TRPM2: variants seen among roughly 807,000 people sequenced by gnomAD.
TRPM2 encodes the protein transient receptor potential cation channel subfamily M member 2.
A neutral mutation model predicts 174.0 loss-of-function variants in TRPM2; 161 were observed. The ratio of observed to expected loss-of-function variants is 0.93; its 90% CI spans 0.81 to 1.05. The LOEUF is 1.05. Ranked by LOEUF, TRPM2 falls within the 50% of genes least tolerant of loss-of-function variation. The probability of loss-of-function intolerance (pLI) is 0.00; values close to 1 mark genes in which losing one functional copy is unlikely to be tolerated. For synonymous variants in TRPM2, 954 were observed against 861.3 expected, an observed-to-expected ratio of 1.11 and a Z score of -1.88; for missense variants, 2,057 against 2,038.0, an observed-to-expected ratio of 1.01 and a Z score of -0.18.
chr21:44,391,762 C>G lies in TRPM2; in HGVS notation c.1794+137C>G. ...GCTCTATCTTAGGCTGCTTGGGCTG[C>G]TGTAACAAAATTCCACAGATGGGGC... On this transcript the variant is annotated intron_variant, in intron 11 of 31. Transcript: ENST00000397928. The surrounding 1 kb of genome is among the most constrained non-coding windows in gnomAD (Gnocchi z 5.0). 1.2e-6 allele frequency: 1 copy of G among 866,698 alleles called. No homozygotes were observed. Among genetic ancestry groups the G allele is most frequent in the Non-Finnish European group, 1.7e-6 (1 of 591,576 alleles). The allele number at this position is 866,698 out of a possible 1,614,324, so 53.7% of individuals were successfully genotyped here.
chr21:44,367,053 C>G lies in TRPM2; in HGVS notation c.604+119C>G. ...GTCCCTGGGAGCCGCCGAGGCTGTG[C>G]CCCAGCCTGAGTCGGACCCATGCAC... On this transcript the variant is annotated intron_variant, in intron 4 of 31. Coordinates refer to ENST00000397928, the MANE Select transcript of TRPM2 (RefSeq NM_003307.4). The surrounding 1 kb of genome is among the most constrained non-coding windows in gnomAD (Gnocchi z 4.6). The G allele has an allele frequency of 8.0e-7, 1 of 1,245,242 alleles. No individual in the cohort carries two copies. The highest frequency in any genetic ancestry group is 1.1e-6 in the Non-Finnish European group (1 of 922,670). 77.1% of individuals were successfully genotyped at this position (1,245,242 alleles called of 1,614,324 possible). A position where few individuals can be genotyped will look rare whatever the true frequency, so the allele number is the denominator to read the frequency against.
intron 19 of TRPM2, among the ~76,000 whole-genome samples, chr21:44,408,688 C>T (rs186834591): frequency 3.3e-4 from 48 of 143,334 alleles, no homozygotes; most frequent in African/African-American, 1.1e-3. Flanking sequence ...GACAGGGTCT[C>T]GCTCTGTCAC....
chr21:44,425,613 G>A (rs897779246), intron 24 of TRPM2, 57 bp from the exon 25 acceptor site: 10 of 1,431,010 alleles, frequency 7.0e-6, no homozygotes, highest in Middle Eastern at 2.6e-4. Flanking sequence ...CTTGTCCTGC[G>A]GGCGGGCACC....
chr21:44,373,598 T>C (rs896516423), intron 5 of TRPM2, among the ~76,000 whole-genome samples: 23 of 151,672 alleles, frequency 1.5e-4, no homozygotes, highest in African/African-American at 5.6e-4. Flanking sequence ...CTGCATTATA[T>C]GCGACCTGCA....
chr21:44,371,016 A>T (rs1351962287), intron 5 of TRPM2, among the ~76,000 whole-genome samples: 1 of 152,208 alleles, frequency 6.6e-6, no homozygotes, highest in East Asian at 1.9e-4. Context: ...GCTGTAACCC[A>T]GGCTCACAAA....
chr21:44,406,730 T>G lies in TRPM2; in HGVS notation c.2927T>G (p.Leu976Arg), dbSNP rs1228239538. ...CGAGGGGCCGTCTACCACTCCTACC[T>G]CACCATCTTCGGGCAGATCCCGGGC... ...LFRGAVYHSY[L>R]TIFGQIPGYI... Residue 976 changes from leucine (L) to arginine (R), a missense_variant, in exon 19 of 32, where the codon CTC becomes CGC. Coordinates refer to ENST00000397928, the MANE Select transcript of TRPM2 (RefSeq NM_003307.4). 6.2e-7 allele frequency: 1 copy of G among 1,607,588 alleles called. No individual in the cohort carries two copies. The highest frequency in any genetic ancestry group is 1.7e-5 in the Admixed American group (1 of 59,098).
In TRPM2 at chr21:44,405,275, C is replaced by T. The variant is rs1475677409; in HGVS notation, c.2657+15C>T. 1.9e-6 allele frequency: 3 copies of T among 1,611,050 alleles called. No individual in the cohort carries two copies. The highest frequency in any genetic ancestry group is 1.1e-5 in the South Asian group (1 of 91,044). On this transcript the variant is annotated intron_variant, in intron 17 of 31. Coordinates refer to ENST00000397928, the MANE Select transcript of TRPM2 (RefSeq NM_003307.4). The stretch of plus-strand genomic sequence containing the variant: ...CTGACCTGCAGGTGAGTGGCCTCAC[C>T]CCGATGGCGGGCCCGTCTGAGGCAG...
intron 16 of TRPM2, among the ~76,000 whole-genome samples, chr21:44,404,438 A>G (rs2049789848): frequency 6.6e-6 from 1 of 152,218 alleles, no homozygotes; most frequent in Non-Finnish European, 1.5e-5. Flanking sequence ...CATGCAGAAT[A>G]TATGTACATA....
chr21:44,426,923 C>T, intron 26 of TRPM2, 87 bp from the exon 27 acceptor site: 1 of 1,430,776 alleles, frequency 7.0e-7, no homozygotes, highest in Non-Finnish European at 9.5e-7. Context: ...TCGGCTGGGC[C>T]CTTGGTGGGG....
At chr21:44,429,665 A>T (rs2050958192) in intron 27 of TRPM2, among the ~76,000 whole-genome samples, 1 of 152,172 alleles carries the variant, frequency 6.6e-6, no homozygotes, top group South Asian at 2.1e-4. Flanking sequence ...CTTTGTATCT[A>T]ACAACTTTAT....
chr21:44,406,208 T>C (rs1432978923), intron 18 of TRPM2, among the ~76,000 whole-genome samples, 171 bp downstream of exon 18: 1 of 152,140 alleles, frequency 6.6e-6, no homozygotes, highest in Non-Finnish European at 1.5e-5. Flanking sequence ...TCTTTGCCTG[T>C]ACGTCACCTC....
chr21:44,378,056 G>A (rs1332810903), intron 7 of TRPM2, among the ~76,000 whole-genome samples: 1 of 152,214 alleles, frequency 6.6e-6, no homozygotes, highest in Non-Finnish European at 1.5e-5. Context: ...TGGAGTGAGT[G>A]GGGCGCCTCT....
chr21:44,399,354 C>G lies in TRPM2; in HGVS notation c.2121C>G (p.Arg707=). The G allele has an allele frequency of 6.2e-7, 1 of 1,612,868 alleles. No individual in the cohort carries two copies. Among genetic ancestry groups the G allele is most frequent in the Non-Finnish European group, 8.5e-7 (1 of 1,179,930 alleles). Residue 707 remains arginine, a synonymous_variant, in exon 14 of 32, where the codon CGC becomes CGG. Transcript: ENST00000397928. This position sits in a 1 kb window ranked among gnomAD's most constrained non-coding sequence, Gnocchi z 4.6. ...AGAGAGCCCAGAAACTGCTCACCCG[C>G]GTGTCCGAGGCCTGGGGGAAGACCA... is the stretch of plus-strand genomic sequence containing the variant. ...DEERAQKLLT[R]VSEAWGKTTC... is the part of the protein sequence containing the mutation.
In TRPM2 at chr21:44,376,066, CAG is replaced by C. The variant is rs1422918148; in HGVS notation, c.952+56_952+57del. The C allele has an allele frequency of 1.9e-6, 3 of 1,583,146 alleles. No homozygotes were observed. Among genetic ancestry groups the C allele is most frequent in the Non-Finnish European group, 2.6e-6 (3 of 1,160,696 alleles). On this transcript the variant is annotated intron_variant, in intron 6 of 31. Transcript: ENST00000397928. This position sits in a 1 kb window ranked among gnomAD's most constrained non-coding sequence, Gnocchi z 4.2. ...TGGGCAGAGAGCACAGTGGGCTGGT[CAG>C]AGTGTCAGGTACAGCTGGTCACGAC... is the stretch of plus-strand genomic sequence containing the variant.
chr21:44,391,389 C>G lies in TRPM2; in HGVS notation c.1558C>G (p.Leu520Val). The G allele has an allele frequency of 3.1e-6, 5 of 1,614,170 alleles. No homozygotes were observed. Among genetic ancestry groups the G allele is most frequent in the Non-Finnish European group, 4.2e-6 (5 of 1,180,044 alleles). Reference sequence around the variant, plus strand: ...GGAGTTTGTCACCTGGGACACCTTGCTCTACCTGTACGAGAACCTGGACCC... The same window carrying G: ...GGAGTTTGTCACCTGGGACACCTTGGTCTACCTGTACGAGAACCTGGACCC... ...LKEFVTWDTL[L>V]YLYENLDPSC... is the part of the protein sequence containing the mutation. The change falls in exon 11 of 32, where the codon CTC (leucine) becomes GTC (valine). Residue 520 changes from leucine to valine, a missense_variant. Coordinates refer to ENST00000397928, the MANE Select transcript of TRPM2 (RefSeq NM_003307.4). This position sits in a 1 kb window ranked among gnomAD's most constrained non-coding sequence, Gnocchi z 5.0.
At chr21:44,357,629 C>T (rs764228517) in intron 2 of TRPM2, among the ~76,000 whole-genome samples, 1 of 152,242 alleles carries the variant, frequency 6.6e-6, no homozygotes, top group Non-Finnish European at 1.5e-5. Context: ...GTGCATCCTG[C>T]GCTGGCCACG....
rs777487250 is a variant in TRPM2, at chr21:44,406,733, C to G, written c.2930C>G (p.Thr977Ser). The G allele has an allele frequency of 3.3e-5, 53 of 1,607,516 alleles. No individual in the cohort carries two copies. The highest frequency in any genetic ancestry group is 4.2e-5 in the Non-Finnish European group (50 of 1,178,688). ...FRGAVYHSYL[T>S]IFGQIPGYID... ...GGGGCCGTCTACCACTCCTACCTCACCATCTTCGGGCAGATCCCGGGCTAC... is the reference window on the plus strand; with the variant it reads ...GGGGCCGTCTACCACTCCTACCTCAGCATCTTCGGGCAGATCCCGGGCTAC... The change falls in exon 19 of 32, where the codon ACC (threonine) becomes AGC (serine). Residue 977 changes from threonine (T) to serine (S), a missense_variant. By Grantham distance (58) the Thr-to-Ser change is moderately conservative (BLOSUM62 1). Transcript: ENST00000397928.
chr21:44,414,147 T>C lies in TRPM2; in HGVS notation c.3146+73T>C, dbSNP rs573828609. 2.0e-6 allele frequency: 3 copies of C among 1,533,092 alleles called. No homozygotes were observed. The African/African-American group carries it at 4.1e-5, about 21-fold the overall frequency. The allele number at this position is 1,533,092 out of a possible 1,614,324, so 95.0% of individuals were successfully genotyped here. A position where few individuals can be genotyped will look rare whatever the true frequency, so the allele number is the denominator to read the frequency against. On this transcript the variant is annotated intron_variant, in intron 20 of 31. Coordinates refer to ENST00000397928, the MANE Select transcript of TRPM2 (RefSeq NM_003307.4). The stretch of plus-strand genomic sequence containing the variant: ...TTCCTGGGCCGCAGTGGCCATGCTG[T>C]CTCCAGGGTCTCGTGGACAGTGTGG...
At chr21:44,436,850 C>T (rs1422195182) in intron 28 of TRPM2, among the ~76,000 whole-genome samples, 1 of 152,130 alleles carries the variant, frequency 6.6e-6, no homozygotes, top group African/African-American at 2.4e-5. Context: ...CTTTCTAGTT[C>T]TACCAGCTAT....
Sources: gnomAD v4.1 joint callset for allele counts (sites outside exome capture counted in the v4.1 genomes callset) on GRCh38, gnomAD v4.1.1 for gene constraint, Gnocchi (gnomAD v3.1) non-coding constraint, MANE v1.5 for transcripts, NCBI Gene and HGNC (gene_info 2026-07-23, HGNC 2026-07-21) for gene names.